The following SLC22A23 variants were observed in gnomAD, a reference collection of about 807,000 sequenced individuals.
SLC22A23 encodes the protein ion transporter protein.
Under a neutral mutation model 61.0 loss-of-function variants are expected in SLC22A23, and 26 were observed. That is an observed-to-expected ratio of 0.43 (90% CI 0.31 to 0.59). The LOEUF (loss-of-function observed/expected upper bound fraction) is 0.59, where lower values mean the gene tolerates loss of function less well. Among genes scored for constraint, SLC22A23 ranks in the 20% least tolerant of loss-of-function variants. The pLI is 0.11. For synonymous variants in SLC22A23, 430 were observed against 413.9 expected, an observed-to-expected ratio of 1.04 and a Z score of -0.47; for missense variants, 796 against 934.7, an observed-to-expected ratio of 0.85 and a Z score of 1.94.
At chr6:3,442,235 A>G (rs1771646588) in intron 1 of SLC22A23, among the ~76,000 whole-genome samples, 1 of 152,174 alleles carries the variant, frequency 6.6e-6, no homozygotes, top group African/African-American at 2.4e-5. Flanking sequence ...TCAAAGAGGC[A>G]GAAGGTAGCG....
At chr6:3,408,028 G>A (rs1768951102) in intron 3 of SLC22A23, among the ~76,000 whole-genome samples, 2 of 152,210 alleles carry the variant, frequency 1.3e-5, no homozygotes, top group African/African-American at 2.4e-5. Flanking sequence ...ATCTGTTTCT[G>A]TAAATAAAGT....
chr6:3,339,021 A>G (rs1214374091), intron 3 of SLC22A23, among the ~76,000 whole-genome samples: 2 of 152,206 alleles, frequency 1.3e-5, no homozygotes, highest in Non-Finnish European at 2.9e-5. Context: ...CCAGATGAAG[A>G]GAGGATGTGT....
rs1425292879 is a variant in SLC22A23, at chr6:3,317,319, G to A, written c.1082+6515C>T. ...GCTCTGTCATTAAGCCATGTGCCCA[G>A]TGCAGGCTGTGGCCACCTGGAAGGG... On this transcript the variant is annotated intron_variant, in intron 4 of 9. Transcript: ENST00000406686. This position sits in a 1 kb window ranked among gnomAD's most constrained non-coding sequence, Gnocchi z 4.4. Among the ~76,000 whole-genome samples the A allele has an allele frequency of 6.6e-6, 1 of 152,198 alleles. No homozygotes were observed. Among genetic ancestry groups the A allele is most frequent in the African/African-American group, 2.4e-5 (1 of 41,450 alleles).
At chr6:3,349,637 A>T (rs1186941986) in intron 3 of SLC22A23, among the ~76,000 whole-genome samples, 2 of 152,184 alleles carry the variant, frequency 1.3e-5, no homozygotes, top group South Asian at 2.1e-4. Context: ...TTCTTCCCAC[A>T]CACTATTGTA....
Position 3,373,407 on chromosome 6 carries a change from A to C in SLC22A23, c.913+36781T>G, listed in dbSNP as rs115902601. Among the ~76,000 whole-genome samples the C allele has an allele frequency of 7.7e-3, 1,180 of 152,354 alleles. 5 individuals carry two copies. Among genetic ancestry groups the C allele is most frequent in the Non-Finnish European group, 0.014 (933 of 68,036 alleles). On this transcript the variant is annotated intron_variant, in intron 3 of 9. Transcript: ENST00000406686. ...CCTTTTGCTGTAATAAATCATAGCC[A>C]CATGTACAACTATATGCTGAGTGCT... is the stretch of plus-strand genomic sequence containing the variant.
chr6:3,313,485 T>C (rs1561890640), intron 4 of SLC22A23: 1 of 152,210 alleles, frequency 6.6e-6, no homozygotes, highest in East Asian at 1.9e-4. Context: ...CCGTTTTCCT[T>C]TGAGGAGAGC....
rs1767582007 is a variant in SLC22A23 at position 3,390,258 on chromosome 6, T to G, written c.913+19930A>C. ...AAAGAAAGCAGAACTGCCTGGAAATTGAAACACTCAGCCATCTCAGGTAAT... is the reference window on the plus strand; with the variant it reads ...AAAGAAAGCAGAACTGCCTGGAAATGGAAACACTCAGCCATCTCAGGTAAT... On this transcript the variant is annotated intron_variant, in intron 3 of 9. Coordinates refer to ENST00000406686, the MANE Select transcript of SLC22A23 (RefSeq NM_015482.2). This position sits in a 1 kb window ranked among gnomAD's most constrained non-coding sequence, Gnocchi z 4.0. Among the ~76,000 whole-genome samples the G allele has an allele frequency of 6.6e-6, 1 of 152,146 alleles. No homozygotes were observed. Among genetic ancestry groups the G allele is most frequent in the South Asian group, 2.1e-4 (1 of 4,818 alleles).
intron 3 of SLC22A23, among the ~76,000 whole-genome samples, chr6:3,394,119 G>A (rs1230608580): frequency 6.6e-6 from 1 of 152,174 alleles, no homozygotes; most frequent in African/African-American, 2.4e-5. Flanking sequence ...CCCAGAACTG[G>A]TCAGAGAACA....
rs780944440 is a variant in SLC22A23 at position 3,318,517 on chromosome 6, G to T, written c.1082+5317C>A. ...CTCACCTGCTGCTCCCACAGAAACC[G>T]CAATAAAGGCTCCTGCCCACGTTTT... On this transcript the variant is annotated intron_variant, in intron 4 of 9. Transcript: ENST00000406686. This position sits in a 1 kb window ranked among gnomAD's most constrained non-coding sequence, Gnocchi z 4.3. Among the ~76,000 whole-genome samples the T allele has an allele frequency of 6.6e-6, 1 of 152,122 alleles. No individual in the cohort carries two copies.
chr6:3,305,955 A>G (rs953937897), intron 4 of SLC22A23, among the ~76,000 whole-genome samples: 2 of 152,200 alleles, frequency 1.3e-5, no homozygotes, highest in Non-Finnish European at 2.9e-5. Flanking sequence ...GTGTTGCTAT[A>G]AAGGAACACT....
rs551995014 is a variant in SLC22A23, at chr6:3,319,699, G to A, written c.1082+4135C>T. 2.0e-4 allele frequency among the ~76,000 whole-genome samples: 31 copies of A among 152,252 alleles called. No homozygotes were observed. In the South Asian group the frequency reaches 2.7e-3, roughly 13 times the overall value. ...GTCTGTAGGTTTGGGCCCTCATAGT[G>A]GATTCCCCGTGGATCTGTGACCTTT... On this transcript the variant is annotated intron_variant, in intron 4 of 9. Transcript: ENST00000406686.
At chr6:3,283,812 C>T (rs201915150) in intron 9 of SLC22A23, 40 bp downstream of exon 9, 104 of 1,611,252 alleles carry the variant, frequency 6.5e-5, no homozygotes, top group African/African-American at 9.3e-5. Flanking sequence ...CTTTGATTTC[C>T]GAGAAGCCGG....
intron 3 of SLC22A23, among the ~76,000 whole-genome samples, chr6:3,406,989 C>G (rs1476633236): frequency 1.3e-5 from 2 of 152,090 alleles, no homozygotes; most frequent in Non-Finnish European, 2.9e-5. Context: ...CTGCAAAAAT[C>G]ATTACTTTCC....
intron 1 of SLC22A23, among the ~76,000 whole-genome samples, chr6:3,429,098 T>C (rs1770692535): frequency 6.6e-6 from 1 of 152,200 alleles, no homozygotes; most frequent in African/African-American, 2.4e-5. Flanking sequence ...ACCTAATATG[T>C]GAACACAGTG....
At chr6:3,339,553 G>T (rs949965025) in intron 3 of SLC22A23, among the ~76,000 whole-genome samples, 16 of 152,160 alleles carry the variant, frequency 1.1e-4, no homozygotes, top group African/African-American at 3.9e-4. Flanking sequence ...ACAGGAGGTC[G>T]GCACAAAAGG....
At position 3,317,635 on chromosome 6, in the gene SLC22A23, C is replaced by T. The variant is rs1454634381; in HGVS notation, c.1082+6199G>A. On this transcript the variant is annotated intron_variant, in intron 4 of 9. Coordinates refer to ENST00000406686, the MANE Select transcript of SLC22A23 (RefSeq NM_015482.2). The surrounding 1 kb of genome is among the most constrained non-coding windows in gnomAD (Gnocchi z 4.4). ...ATCCCTGCTGCTCTTTACCGAGTGA[C>T]AATCAATGCCTGAGCAAAATGACTA... 1.3e-5 allele frequency among the ~76,000 whole-genome samples: 2 copies of T among 152,186 alleles called. No individual in the cohort carries two copies. Among genetic ancestry groups the T allele is most frequent in the East Asian group, 3.9e-4 (2 of 5,184 alleles).
intron 3 of SLC22A23, among the ~76,000 whole-genome samples, chr6:3,376,924 T>C (rs1766607275): frequency 1.3e-5 from 2 of 151,656 alleles, no homozygotes; most frequent in Admixed American, 6.6e-5. Context: ...AAATGGTAGA[T>C]GGAGGAAGAA....
intron 3 of SLC22A23, among the ~76,000 whole-genome samples, chr6:3,370,719 A>G (rs1239203772): frequency 1.3e-5 from 2 of 152,256 alleles, no homozygotes; most frequent in African/African-American, 4.8e-5. Context: ...TTTAATGCAG[A>G]GAAAACGTCA....
intron 1 of SLC22A23, among the ~76,000 whole-genome samples, chr6:3,430,654 G>A (rs1256884022): frequency 6.6e-6 from 1 of 152,148 alleles, no homozygotes; most frequent in East Asian, 1.9e-4. Context: ...GGGGTAAAGA[G>A]TAGCGGCAGC....
Sources: gnomAD v4.1 joint callset for allele counts (sites outside exome capture counted in the v4.1 genomes callset) on GRCh38, gnomAD v4.1.1 for gene constraint, Gnocchi (gnomAD v3.1) non-coding constraint, MANE v1.5 for transcripts, NCBI Gene and HGNC (gene_info 2026-07-23, HGNC 2026-07-21) for gene names.